Variants in FAM227B observed in about 807,000 individuals in gnomAD.
FAM227B encodes the protein protein FAM227B.
FAM227B carries 88 observed loss-of-function variants against 73.8 expected under a neutral mutation model. That is an observed-to-expected ratio of 1.19 (90% CI 1.00 to 1.42). FAM227B has a LOEUF of 1.42. Ranked by LOEUF, FAM227B falls within the 40% of genes most tolerant of loss-of-function variation. The pLI, the probability that FAM227B is intolerant of heterozygous loss-of-function variation, is 0.00. For missense variants in FAM227B, 632 were observed against 590.9 expected, an observed-to-expected ratio of 1.07 and a Z score of -0.72; for synonymous variants, 210 against 190.5, an observed-to-expected ratio of 1.10 and a Z score of -0.84.
chr15:49,475,856 C>T (rs527316511), intron 11 of FAM227B, among the ~76,000 whole-genome samples: 66 of 152,056 alleles, frequency 4.3e-4, no homozygotes, highest in Admixed American at 1.7e-3. Context: ...GTCGTGGTGG[C>T]GCATGCCTGT....
chr15:49,424,348 A>G, intron 11 of FAM227B: 1 of 1,613,620 alleles, frequency 6.2e-7, no homozygotes, highest in South Asian at 1.1e-5. Context: ...TCTACAGATC[A>G]TGCTTTCACA....
chr15:49,491,523 G>C (rs1432506161), intron 11 of FAM227B, among the ~76,000 whole-genome samples: 4 of 151,710 alleles, frequency 2.6e-5, no homozygotes, highest in African/African-American at 7.3e-5. Context: ...TCTGAGTTTT[G>C]TCTATACTGT....
chr15:49,368,221 C>T (rs940026658), intron 12 of FAM227B, among the ~76,000 whole-genome samples: 2 of 151,658 alleles, frequency 1.3e-5, no homozygotes, highest in Admixed American at 6.6e-5. Flanking sequence ...GTCAAGAATA[C>T]AATAACCATA....
At chr15:49,394,171 C>A (rs919695091) in intron 11 of FAM227B, among the ~76,000 whole-genome samples, 1 of 152,046 alleles carries the variant, frequency 6.6e-6, no homozygotes, top group Non-Finnish European at 1.5e-5. Flanking sequence ...GAAGCTTTCC[C>A]CCCAGCTGTA....
At chr15:49,520,126 A>G (rs2152158557) in intron 10 of FAM227B, among the ~76,000 whole-genome samples, 1 of 152,312 alleles carries the variant, frequency 6.6e-6, no homozygotes, top group Admixed American at 6.5e-5. Context: ...TCTCTTTGCT[A>G]AAGAGTAGCA....
At chr15:49,401,952 G>A (rs1489575400) in intron 11 of FAM227B, among the ~76,000 whole-genome samples, 1 of 150,218 alleles carries the variant, frequency 6.7e-6, no homozygotes, top group Admixed American at 6.7e-5. Context: ...GTATACATAT[G>A]TAACTAACCT....
At chr15:49,433,035 G>T (rs1469794719) in intron 11 of FAM227B, among the ~76,000 whole-genome samples, 1 of 151,318 alleles carries the variant, frequency 6.6e-6, no homozygotes, top group Non-Finnish European at 1.5e-5. Flanking sequence ...AAAATTTGTT[G>T]CTATTTCAAT....
At chr15:49,560,696 A>T (rs747545496) in intron 9 of FAM227B, among the ~76,000 whole-genome samples, 16 of 152,190 alleles carry the variant, frequency 1.1e-4, no homozygotes, top group Non-Finnish European at 2.1e-4. Flanking sequence ...GAAACCTTTC[A>T]AACCAGAATA....
At chr15:49,420,644 T>C (rs993884227) in intron 11 of FAM227B, among the ~76,000 whole-genome samples, 2 of 152,134 alleles carry the variant, frequency 1.3e-5, no homozygotes, top group Admixed American at 6.5e-5. Flanking sequence ...TGAAAAGTAA[T>C]GAAAATATTT....
chr15:49,568,218 A>T (rs746395662), intron 9 of FAM227B, 27 bp downstream of exon 9: 1 of 1,513,320 alleles, frequency 6.6e-7, no homozygotes, highest in Admixed American at 1.8e-5. Flanking sequence ...AAAAATAATT[A>T]GCATAACTGT....
At chr15:49,432,750 T>C (rs547832178) in intron 11 of FAM227B, among the ~76,000 whole-genome samples, 4 of 151,794 alleles carry the variant, frequency 2.6e-5, no homozygotes, top group African/African-American at 9.6e-5. Context: ...TAGAGTAATA[T>C]TTTGTGCATG....
chr15:49,361,006 G>T (rs1276997970), intron 13 of FAM227B, among the ~76,000 whole-genome samples: 2 of 152,026 alleles, frequency 1.3e-5, no homozygotes, highest in Admixed American at 1.3e-4. Flanking sequence ...CTTATCAATA[G>T]AAATATTACC....
chr15:49,551,124 A>G (rs1391732544), intron 9 of FAM227B, among the ~76,000 whole-genome samples: 1 of 152,242 alleles, frequency 6.6e-6, no homozygotes, highest in East Asian at 1.9e-4. Context: ...CACCAAAAAA[A>G]TACGAAAACC....
intron 10 of FAM227B, among the ~76,000 whole-genome samples, chr15:49,513,898 A>T (rs189094985): frequency 4.2e-4 from 64 of 152,168 alleles, no homozygotes; most frequent in African/African-American, 1.5e-3. Flanking sequence ...CAAAGATCAG[A>T]TAGTTGTAGA....
rs771189627 is a variant in FAM227B at position 49,576,818 on chromosome 15, T to A, written c.469A>T (p.Asn157Tyr). The change falls in exon 7 of 16, where the codon AAT (asparagine) becomes TAT (tyrosine). Residue 157 changes from asparagine to tyrosine, a missense_variant. Asn to Tyr is a moderately radical substitution (Grantham distance 143, BLOSUM62 -2). Coordinates refer to ENST00000299338, the MANE Select transcript of FAM227B (RefSeq NM_152647.3). ...EGCSFTGFKA[N>Y]ELTQLPRHLD... ...TGTCTGGGTAGCTGAGTAAGTTCAT[T>A]TGCTTTGAATCCTGTGAAGCTGCAA... The A allele has an allele frequency of 1.7e-5, 28 of 1,612,126 alleles. No homozygotes were observed. The East Asian group carries it at 6.2e-4, about 36-fold the overall frequency.
intron 3 of FAM227B, among the ~76,000 whole-genome samples, chr15:49,605,848 G>C (rs1053058967): frequency 6.6e-6 from 1 of 152,052 alleles, no homozygotes. Context: ...AGTCTGAGAG[G>C]GATAGCCTGG....
intron 11 of FAM227B, among the ~76,000 whole-genome samples, chr15:49,374,564 T>C (rs1239427959): frequency 6.6e-6 from 1 of 152,254 alleles, no homozygotes; most frequent in Non-Finnish European, 1.5e-5. Flanking sequence ...TGCATATTCA[T>C]GAGTTTTTGA....
chr15:49,563,784 C>T (rs1314536419), intron 9 of FAM227B, among the ~76,000 whole-genome samples: 1 of 152,088 alleles, frequency 6.6e-6, no homozygotes, highest in Non-Finnish European at 1.5e-5. Context: ...ACTGGCTAGC[C>T]ATACGCTGAA....
At chr15:49,385,003 G>A (rs554909006) in intron 11 of FAM227B, among the ~76,000 whole-genome samples, 35 of 151,896 alleles carry the variant, frequency 2.3e-4, no homozygotes, top group Non-Finnish European at 4.0e-4. Context: ...CCCACCAATG[G>A]CAGAGAATTT....
Sources: gnomAD v4.1 joint callset for allele counts (sites outside exome capture counted in the v4.1 genomes callset) on GRCh38, gnomAD v4.1.1 for gene constraint, MANE v1.5 for transcripts, NCBI Gene and HGNC (gene_info 2026-07-23, HGNC 2026-07-21) for gene names.